Variants in CFAP69 observed in about 807,000 individuals in gnomAD.
The protein encoded by CFAP69 is cilia- and flagella-associated protein 69.
A neutral mutation model predicts 123.0 loss-of-function variants in CFAP69; 92 were observed. The ratio of observed to expected loss-of-function variants is 0.75; its 90% CI spans 0.63 to 0.89. The LOEUF is 0.89. Among genes scored for constraint, CFAP69 ranks in the 40% least tolerant of loss-of-function variants. The pLI is 0.00. For synonymous variants in CFAP69, 380 were observed against 364.3 expected (o/e 1.04, Z -0.49); for missense variants, 1,067 against 1,096.9 (o/e 0.97, Z 0.39).
chr7:90,271,708 G>A, intron 7 of CFAP69, 33 bp downstream of exon 7: 1 of 1,597,970 alleles, frequency 6.3e-7, no homozygotes, highest in Non-Finnish European at 8.5e-7. Flanking sequence ...ACACTTCATT[G>A]TCAACTACTT....
chr7:90,251,620 G>T, intron 1 of CFAP69, among the ~76,000 whole-genome samples: 1 of 152,086 alleles, frequency 6.6e-6, no homozygotes, highest in Non-Finnish European at 1.5e-5. Flanking sequence ...ACCAATAGCT[G>T]CATGAGGTGA....
chr7:90,271,130 A>AT (rs1799890775), intron 6 of CFAP69, among the ~76,000 whole-genome samples: 1 of 152,140 alleles, frequency 6.6e-6, no homozygotes, highest in Non-Finnish European at 1.5e-5. Context: ...CTTTTTTAGA[A>AT]TTTAGGATGT....
chr7:90,262,800 TAGAA>T (rs2116764161), intron 4 of CFAP69, among the ~76,000 whole-genome samples: 4 of 151,978 alleles, frequency 2.6e-5, no homozygotes, highest in Admixed American at 2.6e-4. Context: ...ATATAAATAA[TAGAA>T]AGGTTTAGTA....
In CFAP69 at chr7:90,307,241, T is replaced by G. The variant is rs936288759; in HGVS notation, c.2463+143T>G. ...CAATAATTTATTGTACATTTCAAAA[T>G]ACCCAGAAGACTTGGAATGCTCCTA... On this transcript the variant is annotated intron_variant, in intron 20 of 22. Transcript: ENST00000389297. The G allele has an allele frequency of 2.2e-5, 15 of 673,084 alleles. No individual in the cohort carries two copies. In the African/African-American group the frequency reaches 2.6e-4, roughly 11 times the overall value. 41.7% of individuals were successfully genotyped at this position (673,084 alleles called of 1,614,324 possible). A position where few individuals can be genotyped will look rare whatever the true frequency, so the allele number is the denominator to read the frequency against.
rs1190256140 is a variant in CFAP69, at chr7:90,273,968, A to G, written c.861-19A>G. 1.3e-6 allele frequency: 2 copies of G among 1,550,812 alleles called. No individual in the cohort carries two copies. Among genetic ancestry groups the G allele is most frequent in the Non-Finnish European group, 8.7e-7 (1 of 1,144,900 alleles). ...AGTGTATAACAATATAGTTTTTAAA[A>G]TATGATTTTACTTTCTAGGGCTTTG... On this transcript the variant is annotated intron_variant, in intron 8 of 22. Coordinates refer to ENST00000389297, the MANE Select transcript of CFAP69 (RefSeq NM_001039706.3).
chr7:90,288,094 T>C, intron 14 of CFAP69, 140 bp from the exon 15 acceptor site: 1 of 587,772 alleles, frequency 1.7e-6, no homozygotes, highest in Non-Finnish European at 2.8e-6. Context: ...GTTTTTTAAA[T>C]TGCAGTAAAA....
chr7:90,272,127 A>T (rs1800043529), intron 8 of CFAP69, 169 bp downstream of exon 8: 1 of 538,644 alleles, frequency 1.9e-6, no homozygotes, highest in African/African-American at 1.9e-5. Flanking sequence ...CTGCACAATA[A>T]CAAGCCACAC....
chr7:90,315,449 GCA>G, downstream of CFAP69, among the ~76,000 whole-genome samples: 1 of 152,192 alleles, frequency 6.6e-6, no homozygotes, highest in Non-Finnish European at 1.5e-5. Flanking sequence ...CATGTCTTTT[GCA>G]AGAACATGGA....
chr7:90,319,388 T>TG, the CFAP69 span: 1 of 398,576 alleles, frequency 2.5e-6, no homozygotes, highest in South Asian at 1.3e-4. Flanking sequence ...AAATTATATT[T>TG]GGGGGGCATC....
At chr7:90,269,791 C>A (rs912021448) in intron 6 of CFAP69, among the ~76,000 whole-genome samples, 1 of 152,048 alleles carries the variant, frequency 6.6e-6, no homozygotes, top group African/African-American at 2.4e-5. Context: ...AACAGCTCAG[C>A]TAGTGCAAAG....
chr7:90,285,566 T>C (rs180750473), intron 13 of CFAP69, among the ~76,000 whole-genome samples: 1 of 152,304 alleles, frequency 6.6e-6, no homozygotes, highest in African/African-American at 2.4e-5. Flanking sequence ...TACTGTTACC[T>C]AAAATTGTTT....
Position 90,250,233 on chromosome 7 carries a change from AG to A in CFAP69, c.120+4690del, listed in dbSNP as rs1562832661. Among the ~76,000 whole-genome samples, 190 of 135,480 alleles carry A rather than the reference AG, an allele frequency of 1.4e-3. 1 individual carries two copies. Among genetic ancestry groups the A allele is most frequent in the African/African-American group, 4.7e-3 (168 of 35,906 alleles). 88.9% of individuals were successfully genotyped at this position (135,480 alleles called of 152,430 possible). On this transcript the variant is annotated intron_variant, in intron 1 of 22. Transcript: ENST00000389297. Reference sequence around the variant, plus strand: ...GAGAGAGAGAGAGAGAGAGAGAGAGAGACTCCTTGGTTGTCCATTGAGGAGT... The same window carrying A: ...GAGAGAGAGAGAGAGAGAGAGAGAGAACTCCTTGGTTGTCCATTGAGGAGT...
downstream of CFAP69, among the ~76,000 whole-genome samples, chr7:90,314,652 G>A (rs192227627): frequency 1.3e-3 from 192 of 150,068 alleles, 1 homozygote; most frequent in Middle Eastern, 3.5e-3. Context: ...GAGGTATATA[G>A]GAACTCTGTA....
chr7:90,300,524 TAA>T, intron 17 of CFAP69: 1 of 666,318 alleles, frequency 1.5e-6, no homozygotes, highest in Non-Finnish European at 1.9e-6. Context: ...TATTGTTTCC[TAA>T]ATAAAAATAG....
At chr7:90,281,536 G>T (rs936668567) in intron 12 of CFAP69, among the ~76,000 whole-genome samples, 1 of 152,100 alleles carries the variant, frequency 6.6e-6, no homozygotes, top group Non-Finnish European at 1.5e-5. Flanking sequence ...TGGTGTTGGG[G>T]CAGTTGGTCC....
downstream of CFAP69, chr7:90,312,731 C>G (rs1361479481): frequency 6.6e-6 from 1 of 152,146 alleles, no homozygotes; most frequent in East Asian, 1.9e-4. Flanking sequence ...CCCCTGAGCC[C>G]TAGGGGACAT....
intron 4 of CFAP69, 75 bp from the exon 5 acceptor site, chr7:90,265,225 TC>T: frequency 1.2e-6 from 1 of 844,892 alleles, no homozygotes; most frequent in Non-Finnish European, 2.0e-6. Context: ...AAATGAACTC[TC>T]CCCCACTTAC....
chr7:90,249,657 TC>T (rs974597665), intron 1 of CFAP69, among the ~76,000 whole-genome samples: 82 of 152,280 alleles, frequency 5.4e-4, no homozygotes, highest in African/African-American at 1.8e-3. Context: ...TTAGTTTTGT[TC>T]CCCTCATTCT....
chr7:90,308,100 A>G (rs2117461434), intron 21 of CFAP69, among the ~76,000 whole-genome samples: 1 of 152,292 alleles, frequency 6.6e-6, no homozygotes, highest in South Asian at 2.1e-4. Flanking sequence ...ACCTACATAA[A>G]GAAGAAGATG....
Sources: allele counts gnomAD v4.1 joint callset (sites outside exome capture counted in the v4.1 genomes callset), GRCh38; gene constraint gnomAD v4.1.1; transcripts MANE v1.5; gene names NCBI Gene and HGNC (gene_info 2026-07-23, HGNC 2026-07-21).